The following NHLRC2 variants were observed in gnomAD, a reference collection of about 807,000 sequenced individuals.
NHLRC2 encodes NHL repeat containing 2.
A neutral mutation model predicts 68.1 loss-of-function variants in NHLRC2; 33 were observed. That is an observed-to-expected ratio of 0.48 (90% CI 0.37 to 0.65). NHLRC2 has a LOEUF of 0.65. NHLRC2 is among the 30% of genes least tolerant of loss of function. The pLI is 0.00. For synonymous variants in NHLRC2, 311 were observed against 309.6 expected (o/e 1.00, Z -0.05); for missense variants, 761 against 853.8 (o/e 0.89, Z 1.35).
Position 113,898,288 on chromosome 10 carries a change from C to G in NHLRC2, c.1139+79C>G, listed in dbSNP as rs918196524. On this transcript the variant is annotated intron_variant, in intron 6 of 10. Coordinates refer to ENST00000369301, the MANE Select transcript of NHLRC2 (RefSeq NM_198514.4). ...TTTCTTTTTTCAAAATCACCATCCT[C>G]ACTGTACCAGTCAGGATGTGCTAGG... 23 of 877,928 alleles carry G rather than the reference C, an allele frequency of 2.6e-5. 1 individual carries two copies. The highest frequency in any genetic ancestry group is 2.1e-4 in the South Asian group (15 of 70,690). 54.4% of individuals were successfully genotyped at this position (877,928 alleles called of 1,614,324 possible).
Position 113,876,779 on chromosome 10 carries a change from A to G in NHLRC2, c.590A>G (p.Tyr197Cys). 6.2e-7 allele frequency: 1 copy of G among 1,611,978 alleles called. No homozygotes were observed. The highest frequency in any genetic ancestry group is 8.5e-7 in the Non-Finnish European group (1 of 1,178,188). Residue 197 changes from tyrosine to cysteine, a missense_variant, in exon 3 of 11, where the codon TAT becomes TGT. Coordinates refer to ENST00000369301, the MANE Select transcript of NHLRC2 (RefSeq NM_198514.4). ...TTATATACTTCAATTGCTTTAAAGT[A>G]TTACAAAGACAGGGGGCAGATCAGA... is the stretch of plus-strand genomic sequence containing the variant. Reference protein sequence around the residue: ...LFLYTSIALKYYKDRGQIRDN... With the variant: ...LFLYTSIALKCYKDRGQIRDN...
At position 113,915,060 on chromosome 10, in the gene NHLRC2, G is replaced by C. The variant is rs763317356; in HGVS notation, c.*6524G>C. 1 of 456,110 alleles carries C rather than the reference G, an allele frequency of 2.2e-6. No homozygotes were observed. Among genetic ancestry groups the C allele is most frequent in the South Asian group, 1.5e-5 (1 of 64,568 alleles). The allele number at this position is 456,110 out of a possible 1,614,324, so 28.3% of individuals were successfully genotyped here. On this transcript the variant is annotated 3_prime_UTR_variant, in exon 11 of 11. Coordinates refer to ENST00000369301, the MANE Select transcript of NHLRC2 (RefSeq NM_198514.4). Reference sequence around the variant, plus strand: ...ATCCCACCTGTTTCTGAGTGTGTTGGTTTGGTTTAATTCTTTTCAAGGGTT... The same window carrying C: ...ATCCCACCTGTTTCTGAGTGTGTTGCTTTGGTTTAATTCTTTTCAAGGGTT...
At chr10:113,891,557 T>A (rs1270243469) in intron 5 of NHLRC2, among the ~76,000 whole-genome samples, 3 of 152,162 alleles carry the variant, frequency 2.0e-5, no homozygotes, top group Non-Finnish European at 4.4e-5. Flanking sequence ...CACCACATGT[T>A]TTAAATTCCT....
chr10:113,880,015 G>A (rs1846022559), intron 4 of NHLRC2, among the ~76,000 whole-genome samples: 1 of 151,760 alleles, frequency 6.6e-6, no homozygotes. Context: ...TCCTTTTTCA[G>A]TTGAATTTTC....
At position 113,916,472 on chromosome 10, in the gene NHLRC2, T is replaced by C. The variant is rs542967889; in HGVS notation, c.*7936T>C. On this transcript the variant is annotated 3_prime_UTR_variant, in exon 11 of 11. Transcript: ENST00000369301. ...TTTAAAGGAGGGGAACAATACCCCATGAGTTCAAATTAATTTTCTCTACTT... is the reference window on the plus strand; with the variant it reads ...TTTAAAGGAGGGGAACAATACCCCACGAGTTCAAATTAATTTTCTCTACTT... 1 of 152,218 alleles carries C rather than the reference T, an allele frequency of 6.6e-6. No individual in the cohort carries two copies. Among genetic ancestry groups the C allele is most frequent in the Non-Finnish European group, 1.5e-5 (1 of 68,020 alleles). 9.4% of individuals were successfully genotyped at this position (152,218 alleles called of 1,614,324 possible). A position where few individuals can be genotyped will look rare whatever the true frequency, so the allele number is the denominator to read the frequency against.
intron 10 of NHLRC2, among the ~76,000 whole-genome samples, chr10:113,905,291 GT>G (rs1025194014): frequency 2.6e-5 from 4 of 152,102 alleles, no homozygotes; most frequent in African/African-American, 9.7e-5. Context: ...TGGAATGTGG[GT>G]TTTCCTATAC....
At chr10:113,890,836 T>A (rs1233266000) in intron 5 of NHLRC2, among the ~76,000 whole-genome samples, 1 of 152,190 alleles carries the variant, frequency 6.6e-6, no homozygotes, top group Admixed American at 6.5e-5. Flanking sequence ...GGAGGTTTAA[T>A]TAACTCACAG....
intron 5 of NHLRC2, among the ~76,000 whole-genome samples, chr10:113,897,006 A>T (rs1447846191): frequency 6.6e-6 from 1 of 152,046 alleles, no homozygotes; most frequent in Non-Finnish European, 1.5e-5. Flanking sequence ...AAAAAAAAAA[A>T]AAAATTTTGA....
intron 5 of NHLRC2, among the ~76,000 whole-genome samples, chr10:113,886,430 A>C (rs1846083134): frequency 6.6e-6 from 1 of 152,190 alleles, no homozygotes; most frequent in Non-Finnish European, 1.5e-5. Flanking sequence ...TGAATAGCCA[A>C]AACAGTCTTG....
At chr10:113,889,359 C>G (rs954888196) in intron 5 of NHLRC2, among the ~76,000 whole-genome samples, 2 of 152,046 alleles carry the variant, frequency 1.3e-5, no homozygotes, top group African/African-American at 4.8e-5. Flanking sequence ...AAATGCTTCT[C>G]TGACTCGCAT....
intron 4 of NHLRC2, among the ~76,000 whole-genome samples, chr10:113,882,904 A>G (rs1261323978): frequency 6.6e-6 from 1 of 151,702 alleles, no homozygotes; most frequent in Non-Finnish European, 1.5e-5. Flanking sequence ...ATTCTTTTAC[A>G]TGTGGATATA....
chr10:113,901,394 CAG>C (rs1165420941), intron 6 of NHLRC2, among the ~76,000 whole-genome samples: 3 of 152,106 alleles, frequency 2.0e-5, no homozygotes, highest in African/African-American at 7.2e-5. Context: ...ATAATTCTAT[CAG>C]GGATTTGTCG....
chr10:113,905,136 A>C (rs1846265276), intron 10 of NHLRC2, 100 bp downstream of exon 10: 1 of 548,146 alleles, frequency 1.8e-6, no homozygotes, highest in South Asian at 4.1e-5. Flanking sequence ...CTGTATAGGC[A>C]AGATTTGAAG....
At chr10:113,892,099 T>C (rs1846138264) in intron 5 of NHLRC2, among the ~76,000 whole-genome samples, 1 of 152,236 alleles carries the variant, frequency 6.6e-6, no homozygotes, top group Admixed American at 6.5e-5. Context: ...TTAGAGACTT[T>C]GTAGAAACAA....
At chr10:113,857,318 A>G (rs1355572439) in intron 1 of NHLRC2, among the ~76,000 whole-genome samples, 1 of 152,160 alleles carries the variant, frequency 6.6e-6, no homozygotes, top group Admixed American at 6.5e-5. Flanking sequence ...TACATTAATT[A>G]GTCTGAAGTT....
chr10:113,899,524 G>A (rs893962737), intron 6 of NHLRC2, among the ~76,000 whole-genome samples: 1 of 152,138 alleles, frequency 6.6e-6, no homozygotes, highest in Non-Finnish European at 1.5e-5. Context: ...ACTATGTTAA[G>A]GATACAATGA....
chr10:113,891,519 C>G (rs904130966), intron 5 of NHLRC2, among the ~76,000 whole-genome samples: 12 of 152,076 alleles, frequency 7.9e-5, no homozygotes, highest in African/African-American at 2.9e-4. Context: ...CTGAGCTGGG[C>G]CTTGGTTTTA....
chr10:113,872,247 G>C (rs978506698), intron 2 of NHLRC2, among the ~76,000 whole-genome samples: 1 of 152,074 alleles, frequency 6.6e-6, no homozygotes, highest in Non-Finnish European at 1.5e-5. Context: ...GAAGGAAAAG[G>C]TAAGGTTCTA....
At chr10:113,881,576 A>G (rs12781103) in intron 4 of NHLRC2, among the ~76,000 whole-genome samples, 1 of 151,586 alleles carries the variant, frequency 6.6e-6, no homozygotes, top group African/African-American at 2.4e-5. Context: ...CTACTTCCCC[A>G]TACCCCCAAC....
Sources: allele counts gnomAD v4.1 joint callset (sites outside exome capture counted in the v4.1 genomes callset), GRCh38; gene constraint gnomAD v4.1.1; transcripts MANE v1.5; gene names NCBI Gene and HGNC (gene_info 2026-07-23, HGNC 2026-07-21).